FBXL2: variants seen among roughly 807,000 people sequenced by gnomAD.
FBXL2 encodes the protein F-box/LRR-repeat protein 2.
FBXL2 carries 38 observed loss-of-function variants against 69.2 expected under a neutral mutation model. The ratio of observed to expected loss-of-function variants is 0.55; its 90% CI spans 0.42 to 0.72. FBXL2 has a LOEUF of 0.72. Among genes scored for constraint, FBXL2 ranks in the 30% least tolerant of loss-of-function variants. FBXL2 has a pLI of 0.00. For synonymous variants in FBXL2, 192 were observed against 201.3 expected, an observed-to-expected ratio of 0.95 and a Z score of 0.39; for missense variants, 354 against 520.3, an observed-to-expected ratio of 0.68 and a Z score of 3.11.
intron 2 of FBXL2, among the ~76,000 whole-genome samples, chr3:33,326,493 G>T (rs1192049883): frequency 6.8e-6 from 1 of 146,836 alleles, no homozygotes; most frequent in Admixed American, 6.9e-5. Context: ...GCCACAGAGC[G>T]AGACTCCGTC....
chr3:33,360,845 T>C (rs2041560312), intron 4 of FBXL2, among the ~76,000 whole-genome samples: 1 of 151,884 alleles, frequency 6.6e-6, no homozygotes, highest in Non-Finnish European at 1.5e-5. Context: ...ACTCTTTTTC[T>C]GTGGTTCTTC....
chr3:33,376,168 C>A (rs1195613854), intron 10 of FBXL2, among the ~76,000 whole-genome samples: 16 of 134,672 alleles, frequency 1.2e-4, no homozygotes, highest in East Asian at 4.9e-4. Context: ...AAAAAAAAAA[C>A]AAAAAAAACA....
chr3:33,375,277 CT>C lies in FBXL2; in HGVS notation c.658-7del. 1 of 1,609,652 alleles carries C rather than the reference CT, an allele frequency of 6.2e-7. No individual in the cohort carries two copies. The highest frequency in any genetic ancestry group is 8.5e-7 in the Non-Finnish European group (1 of 1,176,130). Reference sequence around the variant, plus strand: ...TCCTCTGACTTTTCTTTCTGTGCTGCTTTTCCTCAGCGTATCACGGATGAAG... The same window carrying C: ...TCCTCTGACTTTTCTTTCTGTGCTGCTTTCCTCAGCGTATCACGGATGAAG... On this transcript the variant is annotated splice_polypyrimidine_tract_variant and intron_variant, in intron 9 of 14. Transcript: ENST00000484457.
chr3:33,287,903 G>T (rs1470741386), intron 1 of FBXL2, among the ~76,000 whole-genome samples: 7 of 152,072 alleles, frequency 4.6e-5, no homozygotes, highest in African/African-American at 1.7e-4. Context: ...ATGACAAGCT[G>T]TTGTCATGTT....
At chr3:33,390,681 C>G, downstream of FBXL2, 1 of 359,496 alleles carries the variant, frequency 2.8e-6, no homozygotes, top group Non-Finnish European at 5.2e-6. Context: ...ATAAGGGGAG[C>G]AAGAGCTAGA....
intron 2 of FBXL2, among the ~76,000 whole-genome samples, chr3:33,327,290 A>T (rs1275728926): frequency 6.6e-6 from 1 of 152,292 alleles, no homozygotes; most frequent in South Asian, 2.1e-4. Context: ...TGGGAAGAAC[A>T]TGAAACTTGG....
At chr3:33,340,497 T>A (rs576515691) in intron 2 of FBXL2, among the ~76,000 whole-genome samples, 1 of 145,866 alleles carries the variant, frequency 6.9e-6, no homozygotes, top group East Asian at 2.0e-4. Flanking sequence ...GACAGCCAAG[T>A]AAACTGAAAG....
intron 2 of FBXL2, among the ~76,000 whole-genome samples, chr3:33,315,359 C>T (rs1240848035): frequency 6.7e-6 from 1 of 148,470 alleles, no homozygotes; most frequent in Non-Finnish European, 1.5e-5. Flanking sequence ...AGTGAAGACT[C>T]TAAATATGAT....
chr3:33,279,123 TTTTG>T (rs2033666818), intron 1 of FBXL2, among the ~76,000 whole-genome samples: 1 of 152,192 alleles, frequency 6.6e-6, no homozygotes, highest in Non-Finnish European at 1.5e-5. Context: ...ATGCTTTGCT[TTTTG>T]TTTGTCTTTA....
intron 1 of FBXL2, among the ~76,000 whole-genome samples, chr3:33,283,121 G>T (rs1182073717): frequency 1.3e-5 from 2 of 152,168 alleles, no homozygotes; most frequent in East Asian, 3.8e-4. Context: ...TCCCTGTCTT[G>T]TGCCAGTTTT....
At chr3:33,419,746 A>G in the FBXL2 span, among the ~76,000 whole-genome samples, 2 of 152,182 alleles carry the variant, frequency 1.3e-5, no homozygotes, top group Non-Finnish European at 2.9e-5. Context: ...TGAGAGAACA[A>G]CCAGACTTTT....
the FBXL2 span, chr3:33,411,709 C>A: frequency 6.3e-7 from 1 of 1,578,086 alleles, no homozygotes; most frequent in South Asian, 1.1e-5. Flanking sequence ...AAAGAAGTTA[C>A]ATAAAAACAT....
At chr3:33,345,981 C>T (rs998376956) in intron 2 of FBXL2, among the ~76,000 whole-genome samples, 1 of 152,076 alleles carries the variant, frequency 6.6e-6, no homozygotes, top group African/African-American at 2.4e-5. Context: ...AATCCTAGCA[C>T]TTTGGGAGGC....
At chr3:33,278,543 C>G (rs1189257910) in intron 1 of FBXL2, 2 of 152,188 alleles carry the variant, frequency 1.3e-5, no homozygotes. Context: ...CAGCTGGCCT[C>G]ATGGAGAAAA....
At chr3:33,401,105 A>C in intron 12 of FBXL2, 1 of 1,285,184 alleles carries the variant, frequency 7.8e-7, no homozygotes, top group Non-Finnish European at 1.1e-6. Context: ...CATTGTAACT[A>C]TGCAAATTTC....
chr3:33,335,414 C>A lies in FBXL2; in HGVS notation c.66-23553C>A, dbSNP rs1306873835. Among the ~76,000 whole-genome samples the A allele has an allele frequency of 7.2e-5, 11 of 151,992 alleles. 1 individual carries two copies. Among genetic ancestry groups the A allele is most frequent in the Admixed American group, 7.2e-4 (11 of 15,246 alleles). On this transcript the variant is annotated intron_variant, in intron 2 of 14. Coordinates refer to ENST00000484457, the MANE Select transcript of FBXL2 (RefSeq NM_012157.5). ...TTAAAAGATAATTAACTGTTTAAAGCAAAGATCATAATGATGTATTGTTGT... is the reference window on the plus strand; with the variant it reads ...TTAAAAGATAATTAACTGTTTAAAGAAAAGATCATAATGATGTATTGTTGT...
chr3:33,321,515 A>G (rs184202827), intron 2 of FBXL2, among the ~76,000 whole-genome samples: 1 of 152,322 alleles, frequency 6.6e-6, no homozygotes, highest in Non-Finnish European at 1.5e-5. Flanking sequence ...AAGAAATGTG[A>G]CATTATCCAC....
At chr3:33,299,572 T>G (rs927980894) in intron 2 of FBXL2, among the ~76,000 whole-genome samples, 1 of 152,188 alleles carries the variant, frequency 6.6e-6, no homozygotes, top group Non-Finnish European at 1.5e-5. Context: ...ATCAGGTTAT[T>G]AAGACATTTT....
At chr3:33,280,985 A>T (rs999949149) in intron 1 of FBXL2, among the ~76,000 whole-genome samples, 26 of 152,182 alleles carry the variant, frequency 1.7e-4, no homozygotes, top group African/African-American at 5.8e-4. Context: ...ATTGGGAAGC[A>T]GAAGATGGAG....
Sources: gnomAD v4.1 joint callset for allele counts (sites outside exome capture counted in the v4.1 genomes callset) on GRCh38, gnomAD v4.1.1 for gene constraint, MANE v1.5 for transcripts, NCBI Gene and HGNC (gene_info 2026-07-23, HGNC 2026-07-21) for gene names.